The following CLVS1 variants were observed in gnomAD, a reference collection of about 807,000 sequenced individuals.
CLVS1 encodes clavesin 1, also known as clavesin-1.
A neutral mutation model predicts 33.1 loss-of-function variants in CLVS1; 10 were observed. The observed-to-expected ratio is 0.30, with a 90% CI of 0.19 to 0.51. The LOEUF (loss-of-function observed/expected upper bound fraction) is 0.51. Ranked by LOEUF, CLVS1 falls within the 20% of genes least tolerant of loss-of-function variation. The pLI is 0.97. For synonymous variants in CLVS1, 163 were observed against 166.1 expected, an observed-to-expected ratio of 0.98 and a Z score of 0.14; for missense variants, 343 against 433.4, an observed-to-expected ratio of 0.79 and a Z score of 1.85.
At chr8:61,348,596 C>A (rs982295027) in intron 2 of CLVS1, among the ~76,000 whole-genome samples, 4 of 151,320 alleles carry the variant, frequency 2.6e-5, no homozygotes, top group African/African-American at 9.7e-5. Context: ...TGTAGATATG[C>A]CTCATTTTCT....
the CLVS1 span, among the ~76,000 whole-genome samples, chr8:61,021,769 G>A: frequency 1.3e-5 from 2 of 152,120 alleles, no homozygotes; most frequent in Non-Finnish European, 2.9e-5. Context: ...GTATAGGTTT[G>A]TTACATGGGT....
chr8:61,494,986 C>T (rs931363400), intron 5 of CLVS1, among the ~76,000 whole-genome samples: 1 of 152,144 alleles, frequency 6.6e-6, no homozygotes, highest in Non-Finnish European at 1.5e-5. Flanking sequence ...CTCACTATCT[C>T]AGAGTTGTCT....
intron 3 of CLVS1, among the ~76,000 whole-genome samples, chr8:61,438,152 A>G (rs1816410099): frequency 6.6e-6 from 1 of 152,050 alleles, no homozygotes; most frequent in Non-Finnish European, 1.5e-5. Context: ...TGCATTAGCT[A>G]TTTTTCCTGA....
chr8:61,484,938 T>C (rs1181048174), intron 5 of CLVS1, among the ~76,000 whole-genome samples: 2 of 152,148 alleles, frequency 1.3e-5, no homozygotes, highest in Non-Finnish European at 2.9e-5. Context: ...TATACAAAAA[T>C]TAATTCAAGA....
intron 2 of CLVS1, among the ~76,000 whole-genome samples, chr8:61,375,146 A>G (rs1022474211): frequency 6.6e-6 from 1 of 152,080 alleles, no homozygotes; most frequent in Admixed American, 6.6e-5. Flanking sequence ...CTAAAATAAG[A>G]GTCCTTTGAA....
chr8:61,163,250 A>T (rs1806785618), intron 2 of CLVS1, among the ~76,000 whole-genome samples: 1 of 152,154 alleles, frequency 6.6e-6, no homozygotes, highest in African/African-American at 2.4e-5. Context: ...TCCGGGAGTG[A>T]ATTTTTGGGT....
intron 1 of CLVS1, among the ~76,000 whole-genome samples, chr8:61,071,824 G>A (rs1804801810): frequency 6.6e-6 from 1 of 152,190 alleles, no homozygotes; most frequent in African/African-American, 2.4e-5. Flanking sequence ...GACTTTGAAA[G>A]TCAGCTTTCA....
At chr8:61,353,508 G>C (rs879519194) in intron 2 of CLVS1, among the ~76,000 whole-genome samples, 1 of 151,654 alleles carries the variant, frequency 6.6e-6, no homozygotes, top group Non-Finnish European at 1.5e-5. Flanking sequence ...GATCAAAAAA[G>C]AAGCCTCAAA....
the CLVS1 span, among the ~76,000 whole-genome samples, chr8:60,998,737 A>G: frequency 6.6e-6 from 1 of 152,290 alleles, no homozygotes; most frequent in African/African-American, 2.4e-5. Context: ...TCCACAGCAA[A>G]GCAGTGTATT....
At chr8:61,437,820 T>G (rs1816392258) in intron 3 of CLVS1, among the ~76,000 whole-genome samples, 1 of 152,210 alleles carries the variant, frequency 6.6e-6, no homozygotes, top group South Asian at 2.1e-4. Context: ...TTGTTTGAAT[T>G]AGTAAGCATA....
At chr8:61,073,405 C>A (rs1007374740) in intron 1 of CLVS1, among the ~76,000 whole-genome samples, 3 of 152,042 alleles carry the variant, frequency 2.0e-5, no homozygotes, top group African/African-American at 7.2e-5. Context: ...ACATTTTAAA[C>A]GCATGGAGAT....
chr8:61,048,934 T>C, the CLVS1 span, among the ~76,000 whole-genome samples: 35 of 152,190 alleles, frequency 2.3e-4, no homozygotes, highest in Non-Finnish European at 8.8e-5. Flanking sequence ...TCCTCTGTCC[T>C]GGAGAGTAGG....
At chr8:60,969,231 G>C in the CLVS1 span, among the ~76,000 whole-genome samples, 1 of 152,208 alleles carries the variant, frequency 6.6e-6, no homozygotes, top group Non-Finnish European at 1.5e-5. Context: ...TGTGGAACAG[G>C]GGTTGGGGGT....
At chr8:61,320,696 T>C (rs1254057337) in intron 2 of CLVS1, among the ~76,000 whole-genome samples, 1 of 152,218 alleles carries the variant, frequency 6.6e-6, no homozygotes, top group African/African-American at 2.4e-5. Context: ...CACATGGTAG[T>C]AGGAGAAAAC....
chr8:61,079,005 A>T (rs1360855200), intron 1 of CLVS1, among the ~76,000 whole-genome samples: 2 of 152,202 alleles, frequency 1.3e-5, no homozygotes, highest in Admixed American at 6.5e-5. Flanking sequence ...AAAAATAGGT[A>T]GAAATAATTT....
At chr8:61,025,621 G>A in the CLVS1 span, among the ~76,000 whole-genome samples, 4 of 152,188 alleles carry the variant, frequency 2.6e-5, no homozygotes, top group African/African-American at 9.7e-5. Context: ...CAAACCCTTC[G>A]AAATATCCTG....
Position 61,218,672 on chromosome 8 carries a change from C to T in CLVS1, c.-151-81005C>T, listed in dbSNP as rs116467056. The stretch of plus-strand genomic sequence containing the variant: ...CAACAAGGCCAGGCATGGTGGATGA[C>T]GCCTGTAGTCTCAGCACTTTGGGAG... On this transcript the variant is annotated intron_variant, in intron 2 of 2. Transcript: ENST00000522621. Among the ~76,000 whole-genome samples, 789 of 149,568 alleles carry T rather than the reference C, an allele frequency of 5.3e-3. 11 individuals are homozygous for T. Among genetic ancestry groups the T allele is most frequent in the African/African-American group, 0.018 (725 of 40,616 alleles).
At chr8:61,037,031 T>C in the CLVS1 span, among the ~76,000 whole-genome samples, 1 of 152,228 alleles carries the variant, frequency 6.6e-6, no homozygotes, top group African/African-American at 2.4e-5. Context: ...TCATTTAGTA[T>C]GTGACTCACA....
chr8:61,188,931 T>G (rs1310086274), intron 2 of CLVS1, among the ~76,000 whole-genome samples: 2 of 152,052 alleles, frequency 1.3e-5, no homozygotes, highest in Non-Finnish European at 2.9e-5. Flanking sequence ...GATGATAAAT[T>G]ACATTTGCAG....
Sources: allele counts gnomAD v4.1 joint callset (sites outside exome capture counted in the v4.1 genomes callset), GRCh38; gene constraint gnomAD v4.1.1; transcripts MANE v1.5; gene names NCBI Gene and HGNC (gene_info 2026-07-23, HGNC 2026-07-21).